Variants in DNAAF4 observed in about 807,000 individuals in gnomAD.
DNAAF4 encodes dynein assembly factor 4, axonemal.
DNAAF4 carries 43 observed loss-of-function variants against 51.8 expected under a neutral mutation model. The observed-to-expected ratio is 0.83, with a 90% CI of 0.65 to 1.07. DNAAF4 has a LOEUF of 1.07. Ranked by LOEUF, DNAAF4 falls within the 50% of genes least tolerant of loss-of-function variation. The pLI, the probability that DNAAF4 is intolerant of heterozygous loss-of-function variation, is 0.00. For synonymous variants in DNAAF4, 194 were observed against 165.6 expected, an observed-to-expected ratio of 1.17 and a Z score of -1.32; for missense variants, 581 against 493.0, an observed-to-expected ratio of 1.18 and a Z score of -1.69.
chr15:55,439,403 C>G (rs183024690), intron 7 of DNAAF4, 69 bp downstream of exon 7: 2 of 1,351,954 alleles, frequency 1.5e-6, no homozygotes, highest in East Asian at 2.3e-5. Flanking sequence ...AGCCACCATA[C>G]TCGTCCTATG....
intron 3 of DNAAF4, 107 bp downstream of exon 3, chr15:55,497,605 A>G: frequency 7.4e-7 from 1 of 1,353,322 alleles, no homozygotes; most frequent in East Asian, 2.4e-5. Context: ...TAAAAAAAAA[A>G]AATCTATCTT....
chr15:55,497,851 A>C lies in DNAAF4; in HGVS notation c.132T>G (p.Phe44Leu), dbSNP rs760302245. Residue 44 changes from phenylalanine to leucine, a missense_variant, in exon 3 of 10, where the codon TTT becomes TTG. By Grantham distance (22) the Phe-to-Leu change is conservative. Transcript: ENST00000321149. ...GAAATGCCTCAAATAAAAATGGAGG[A>C]AAGTTGACCTATGCAGAAGGGTGAA... The part of the protein sequence containing the change: ...FCTENYLKVN[F>L]PPFLFEAFLY... 13 of 1,610,236 alleles carry C rather than the reference A, an allele frequency of 8.1e-6. No homozygotes were observed. The highest frequency in any genetic ancestry group is 1.1e-5 in the Non-Finnish European group (13 of 1,178,880).
intron 6 of DNAAF4, chr15:55,443,274 A>C: frequency 2.6e-6 from 4 of 1,550,964 alleles, no homozygotes; most frequent in Non-Finnish European, 3.5e-6. Context: ...GTTGCGGCTC[A>C]CTACCCGGCA....
intron 8 of DNAAF4, among the ~76,000 whole-genome samples, chr15:55,433,875 TTACA>T (rs2057545443): frequency 1.3e-4 from 3 of 23,968 alleles, no homozygotes; most frequent in African/African-American, 2.0e-4. Context: ...ATTATATATA[TTACA>T]TATATTATAT....
At chr15:55,427,821 G>C (rs1298787991), downstream of DNAAF4, among the ~76,000 whole-genome samples, 2 of 151,882 alleles carry the variant, frequency 1.3e-5, no homozygotes, top group African/African-American at 2.4e-5. Context: ...TTTTAGTACA[G>C]ACAGGGTGTC....
intron 4 of DNAAF4, among the ~76,000 whole-genome samples, chr15:55,472,087 G>A (rs978053070): frequency 6.6e-6 from 1 of 151,746 alleles, no homozygotes; most frequent in Non-Finnish European, 1.5e-5. Context: ...TGATCCACCC[G>A]CCTCAACCTC....
intron 4 of DNAAF4, among the ~76,000 whole-genome samples, chr15:55,473,237 A>G (rs1355433944): frequency 2.9e-5 from 4 of 139,770 alleles, no homozygotes; most frequent in Non-Finnish European, 4.6e-5. Flanking sequence ...GTGTGTATAT[A>G]TATATATGTG....
At position 55,451,727 on chromosome 15, in the gene DNAAF4, T is replaced by C. The variant is rs974503582; in HGVS notation, c.638-1360A>G. Among the ~76,000 whole-genome samples the C allele has an allele frequency of 1.3e-4, 19 of 151,902 alleles. 1 individual carries two copies. Among genetic ancestry groups the C allele is most frequent in the South Asian group, 4.2e-4 (2 of 4,804 alleles). On this transcript the variant is annotated intron_variant, in intron 5 of 9. Transcript: ENST00000321149. ...CCCCTTGGCTCAAAAAATCCTCCCA[T>C]CTCAGCCTTTCAAGAGCAGGCACTA...
intron 5 of DNAAF4, among the ~76,000 whole-genome samples, chr15:55,457,871 G>A (rs1160251346): frequency 6.6e-6 from 1 of 152,180 alleles, no homozygotes; most frequent in Non-Finnish European, 1.5e-5. Context: ...ACATCACAGG[G>A]CTCTTTGCAG....
In DNAAF4 at chr15:55,480,078, T is replaced by C. The variant is rs561154158; in HGVS notation, c.405+11045A>G. On this transcript the variant is annotated intron_variant, in intron 4 of 9. Coordinates refer to ENST00000321149, the MANE Select transcript of DNAAF4 (RefSeq NM_130810.4). ...GTGATCTTTGTTACACCCTTATTAG[T>C]AGTTCTGCTTGTTGCCCTTTGAAGC... is the stretch of plus-strand genomic sequence containing the variant. Among the ~76,000 whole-genome samples, 39 of 152,230 alleles carry C rather than the reference T, an allele frequency of 2.6e-4. 1 individual carries two copies. Among genetic ancestry groups the C allele is most frequent in the African/African-American group, 9.4e-4 (39 of 41,562 alleles).
intron 3 of DNAAF4, chr15:55,495,165 C>T (rs564634833): frequency 7.4e-6 from 1 of 135,022 alleles, no homozygotes; most frequent in Non-Finnish European, 1.5e-5. Flanking sequence ...AAAACAGGAA[C>T]CTGATTCTTT....
Position 55,498,246 on chromosome 15 carries a change from G to GAA in DNAAF4, c.83_84insTT (p.Arg29SerfsTer13). The stretch of plus-strand genomic sequence containing the variant: ...CCGTGCAGAACACGTCCGTGTCTCT[G>GAA]ACGCACACGCCTTTGAGGGGCAGAG... On this transcript the variant is annotated frameshift_variant, in exon 2 of 10. Coordinates refer to ENST00000321149, the MANE Select transcript of DNAAF4 (RefSeq NM_130810.4). LOFTEE classifies it high-confidence loss of function. The GAA allele has an allele frequency of 6.2e-7, 1 of 1,613,944 alleles. No homozygotes were observed. Among genetic ancestry groups the GAA allele is most frequent in the Non-Finnish European group, 8.5e-7 (1 of 1,179,914 alleles).
chr15:55,497,502 A>G (rs547596578), intron 3 of DNAAF4, among the ~76,000 whole-genome samples: 8 of 152,106 alleles, frequency 5.3e-5, no homozygotes, highest in Admixed American at 1.3e-4. Flanking sequence ...TGAGAGGCTG[A>G]GGTAGGAGAA....
intron 5 of DNAAF4, among the ~76,000 whole-genome samples, chr15:55,463,176 A>G (rs1157509156): frequency 7.7e-6 from 1 of 129,934 alleles, no homozygotes; most frequent in Middle Eastern, 3.7e-3. Context: ...TCTGTCTCAC[A>G]CACACACACA....
intron 4 of DNAAF4, among the ~76,000 whole-genome samples, chr15:55,472,646 G>A (rs1387570513): frequency 6.6e-6 from 1 of 151,894 alleles, no homozygotes; most frequent in East Asian, 1.9e-4. Flanking sequence ...TTGGGTTTTA[G>A]GTGTTTGTAC....
chr15:55,419,461 C>T (rs2057369140), intron 7 of DNAAF4, among the ~76,000 whole-genome samples: 1 of 151,376 alleles, frequency 6.6e-6, no homozygotes, highest in South Asian at 2.1e-4. Context: ...TGATCTCAAA[C>T]TCCTGTCCTC....
rs2058735892 is a variant in DNAAF4 at position 55,508,112 on chromosome 15, G to T, written c.-256+10C>A. The stretch of plus-strand genomic sequence containing the variant: ...AGGGATGAGTTTTACTGGGGAAAGG[G>T]GAAACTTACAAAACCAAGAGAAAAC... On this transcript the variant is annotated intron_variant, in intron 1 of 9. Transcript: ENST00000321149. 1 of 152,166 alleles carries T rather than the reference G, an allele frequency of 6.6e-6. No individual in the cohort carries two copies. The highest frequency in any genetic ancestry group is 1.5e-5 in the Non-Finnish European group (1 of 68,056). 9.4% of individuals were successfully genotyped at this position (152,166 alleles called of 1,614,324 possible). A position where few individuals can be genotyped will look rare whatever the true frequency, so the allele number is the denominator to read the frequency against.
intron 5 of DNAAF4, among the ~76,000 whole-genome samples, chr15:55,457,977 T>C (rs924961788): frequency 5.9e-5 from 9 of 152,100 alleles, no homozygotes; most frequent in Non-Finnish European, 1.3e-4. Context: ...GCCCCATCCC[T>C]AGTGGCAGGG....
At chr15:55,472,428 G>A (rs2058268378) in intron 4 of DNAAF4, among the ~76,000 whole-genome samples, 1 of 152,028 alleles carries the variant, frequency 6.6e-6, no homozygotes, top group African/African-American at 2.4e-5. Context: ...GAACAACCTG[G>A]CCAACATGGT....
Sources: gnomAD v4.1 joint callset for allele counts (sites outside exome capture counted in the v4.1 genomes callset) on GRCh38, gnomAD v4.1.1 for gene constraint, MANE v1.5 for transcripts, NCBI Gene and HGNC (gene_info 2026-07-23, HGNC 2026-07-21) for gene names.